The following FGGY variants were observed in gnomAD, a reference collection of about 807,000 sequenced individuals.
FGGY encodes FGGY carbohydrate kinase domain-containing protein.
Under a neutral mutation model 71.3 loss-of-function variants are expected in FGGY, and 72 were observed. The ratio of observed to expected loss-of-function variants is 1.01; its 90% CI spans 0.84 to 1.23. FGGY has a LOEUF of 1.23. Among genes scored for constraint, FGGY ranks in the 50% most tolerant of loss-of-function variants. The pLI, the probability that FGGY is intolerant of heterozygous loss-of-function variation, is 0.00. For missense variants in FGGY, 668 were observed against 682.3 expected, an observed-to-expected ratio of 0.98 and a Z score of 0.23; for synonymous variants, 251 against 250.3, an observed-to-expected ratio of 1.00 and a Z score of -0.02.
At chr1:59,440,997 G>A (rs751458756) in intron 5 of FGGY, among the ~76,000 whole-genome samples, 12 of 152,102 alleles carry the variant, frequency 7.9e-5, no homozygotes, top group Middle Eastern at 3.4e-3. Context: ...GACGTTTTGC[G>A]TTTTTCTCTG....
intron 14 of FGGY, among the ~76,000 whole-genome samples, chr1:59,757,525 G>C (rs2098302993): frequency 6.6e-6 from 1 of 152,166 alleles, no homozygotes; most frequent in African/African-American, 2.4e-5. Flanking sequence ...TTCCGTGATT[G>C]CTATCTTTAG....
intron 14 of FGGY, among the ~76,000 whole-genome samples, chr1:59,731,635 TG>T (rs1186975690): frequency 1.4e-5 from 2 of 145,942 alleles, no homozygotes; most frequent in Non-Finnish European, 3.0e-5. Flanking sequence ...GAAGAGGAGA[TG>T]GGGGTGGGGG....
At chr1:59,503,170 G>C (rs1194881015) in intron 6 of FGGY, among the ~76,000 whole-genome samples, 1 of 152,094 alleles carries the variant, frequency 6.6e-6, no homozygotes, top group Non-Finnish European at 1.5e-5. Context: ...TAGAATAATA[G>C]GTTGCAATAT....
intron 8 of FGGY, among the ~76,000 whole-genome samples, chr1:59,592,992 C>A (rs763766379): frequency 1.8e-4 from 28 of 152,130 alleles, no homozygotes; most frequent in Non-Finnish European, 2.4e-4. Context: ...GCATTTGAGG[C>A]AAAGCCTCTT....
chr1:59,424,944 G>T (rs1056383258), intron 5 of FGGY, among the ~76,000 whole-genome samples: 1 of 152,192 alleles, frequency 6.6e-6, no homozygotes, highest in African/African-American at 2.4e-5. Context: ...TTTTAGAAAA[G>T]CTCTTGCTCT....
At chr1:59,687,530 A>C (rs2097553973) in intron 14 of FGGY, among the ~76,000 whole-genome samples, 1 of 151,444 alleles carries the variant, frequency 6.6e-6, no homozygotes, top group African/African-American at 2.4e-5. Flanking sequence ...GCAGTGGCAC[A>C]ATCTCGGCTC....
chr1:59,368,986 G>A (rs550723225), intron 4 of FGGY, among the ~76,000 whole-genome samples: 53 of 152,272 alleles, frequency 3.5e-4, no homozygotes, highest in Middle Eastern at 6.8e-3. Flanking sequence ...TGTGAGCAAC[G>A]CAGAAGACGG....
intron 5 of FGGY, among the ~76,000 whole-genome samples, chr1:59,422,342 C>T (rs1329636438): frequency 6.6e-6 from 1 of 152,144 alleles, no homozygotes; most frequent in Non-Finnish European, 1.5e-5. Flanking sequence ...TATAGTCCTA[C>T]CTTGTAAAAA....
chr1:59,641,323 A>T, intron 11 of FGGY: 1 of 1,610,798 alleles, frequency 6.2e-7, no homozygotes, highest in South Asian at 1.1e-5. Context: ...GCAGCGTTGC[A>T]CTCTCCCAGT....
chr1:59,621,459 C>CAA (rs56172542), intron 9 of FGGY, among the ~76,000 whole-genome samples: 6,592 of 98,102 alleles, frequency 0.067, 404 homozygotes, highest in South Asian at 0.18. Context: ...GCCTCCGTCT[C>CAA]AAAAAAAAAA....
At chr1:59,667,944 T>G (rs2097340283) in intron 13 of FGGY, among the ~76,000 whole-genome samples, 1 of 152,192 alleles carries the variant, frequency 6.6e-6, no homozygotes, top group African/African-American at 2.4e-5. Context: ...GAAGAAGTGA[T>G]AAGAAAGCTG....
intron 6 of FGGY, among the ~76,000 whole-genome samples, chr1:59,472,245 C>T (rs1321222754): frequency 6.6e-6 from 1 of 152,222 alleles, no homozygotes; most frequent in Non-Finnish European, 1.5e-5. Context: ...TCCACCGGCC[C>T]AGGGCAGTGA....
intron 5 of FGGY, among the ~76,000 whole-genome samples, chr1:59,397,900 T>G (rs2061506042): frequency 1.3e-5 from 2 of 152,218 alleles, no homozygotes; most frequent in Non-Finnish European, 2.9e-5. Context: ...TTTTGCCAAC[T>G]CTTTGACCTT....
rs570047274 is a variant in FGGY, at chr1:59,739,549, C to T, written c.1513-18382C>T. On this transcript the variant is annotated intron_variant, in intron 14 of 15. Coordinates refer to ENST00000303721, the MANE Select transcript of FGGY (RefSeq NM_018291.5). ...AGGTGGGAAGGTAAGGTGGAAAATG[C>T]TTTCCAGCTAAACAGACCTGTCTGA... 5.9e-5 allele frequency among the ~76,000 whole-genome samples: 9 copies of T among 152,270 alleles called. No individual in the cohort carries two copies. In the East Asian group the frequency reaches 1.5e-3, roughly 26 times the overall value.
intron 4 of FGGY, among the ~76,000 whole-genome samples, chr1:59,349,310 A>G (rs572098410): frequency 6.6e-6 from 1 of 152,290 alleles, no homozygotes; most frequent in African/African-American, 2.4e-5. Context: ...TTGTTGCTAT[A>G]TCAACAAGTT....
chr1:59,449,787 AC>A lies in FGGY; in HGVS notation c.555-7169del, dbSNP rs545587282. The stretch of plus-strand genomic sequence containing the variant: ...AGACCAGCCTCAGCAACATAGTGAG[AC>A]CCCCATCTCTAAAAAATAAAAAAAA... On this transcript the variant is annotated intron_variant, in intron 5 of 15. Transcript: ENST00000303721. Among the ~76,000 whole-genome samples, 8 of 151,956 alleles carry A rather than the reference AC, an allele frequency of 5.3e-5. No homozygotes were observed. The East Asian group carries it at 1.4e-3, about 26-fold the overall frequency.
intron 8 of FGGY, among the ~76,000 whole-genome samples, chr1:59,596,780 C>A (rs1036905414): frequency 6.6e-6 from 1 of 152,104 alleles, no homozygotes; most frequent in Admixed American, 6.5e-5. Flanking sequence ...TTCTGCCTGC[C>A]GCAGATGTGC....
intron 11 of FGGY, among the ~76,000 whole-genome samples, chr1:59,652,751 C>T (rs1418465262): frequency 3.3e-5 from 5 of 151,718 alleles, no homozygotes; most frequent in African/African-American, 1.2e-4. Context: ...CTTCTCTCAG[C>T]TCGTCAAAGT....
intron 14 of FGGY, among the ~76,000 whole-genome samples, chr1:59,732,891 A>G (rs1045057758): frequency 2.0e-5 from 3 of 151,966 alleles, no homozygotes; most frequent in African/African-American, 7.3e-5. Context: ...GAATTCCAAA[A>G]CCCATCACAT....
Sources: allele counts gnomAD v4.1 joint callset (sites outside exome capture counted in the v4.1 genomes callset), GRCh38; gene constraint gnomAD v4.1.1; transcripts MANE v1.5; gene names NCBI Gene and HGNC (gene_info 2026-07-23, HGNC 2026-07-21).